Variants in CCDC3 observed in about 807,000 individuals in gnomAD.
CCDC3 encodes coiled-coil domain containing 3, also known as coiled-coil domain-containing protein 3.
CCDC3 carries 24 observed loss-of-function variants against 21.4 expected under a neutral mutation model. The ratio of observed to expected loss-of-function variants is 1.12; its 90% CI spans 0.81 to 1.58. The LOEUF (loss-of-function observed/expected upper bound fraction) is 1.58, where lower values mean the gene tolerates loss of function less well. Among genes scored for constraint, CCDC3 ranks in the 40% most tolerant of loss-of-function variants. CCDC3 has a pLI of 0.00. For missense variants in CCDC3, 425 were observed against 360.9 expected, an observed-to-expected ratio of 1.18 and a Z score of -1.44; for synonymous variants, 186 against 166.0, an observed-to-expected ratio of 1.12 and a Z score of -0.93.
chr10:13,063,729 G>T (rs1770896805), intron 4 of CCDC3, among the ~76,000 whole-genome samples: 1 of 152,158 alleles, frequency 6.6e-6, no homozygotes. Context: ...ATTTTGGCTT[G>T]CATGCTTTGT....
At chr10:13,086,632 G>A (rs1001961360) in intron 3 of CCDC3, among the ~76,000 whole-genome samples, 2 of 152,056 alleles carry the variant, frequency 1.3e-5, no homozygotes, top group Non-Finnish European at 2.9e-5. Context: ...ATTTTTAGTA[G>A]AGACGGGGTT....
chr10:13,053,582 A>G (rs1004675383), intron 4 of CCDC3, among the ~76,000 whole-genome samples: 3 of 152,206 alleles, frequency 2.0e-5, no homozygotes, highest in African/African-American at 7.2e-5. Flanking sequence ...AATAAAATGT[A>G]CAAAGAACTC....
chr10:12,943,483 C>T (rs1834865529), intron 2 of CCDC3, among the ~76,000 whole-genome samples: 1 of 152,214 alleles, frequency 6.6e-6, no homozygotes, highest in Admixed American at 6.5e-5. Flanking sequence ...CTTGCATAGG[C>T]AAATGCCAGC....
At chr10:12,998,763 T>C (rs1835802179) in intron 1 of CCDC3, among the ~76,000 whole-genome samples, 1 of 152,212 alleles carries the variant, frequency 6.6e-6, no homozygotes, top group Non-Finnish European at 1.5e-5. Flanking sequence ...TGTTTGTCTA[T>C]TTGTGTTGTC....
intron 5 of CCDC3, among the ~76,000 whole-genome samples, chr10:13,019,597 T>C (rs1042845682): frequency 1.3e-5 from 2 of 152,248 alleles, no homozygotes; most frequent in African/African-American, 4.8e-5. Flanking sequence ...ACATTTTCCA[T>C]TACTGACTTT....
chr10:12,969,547 G>T (rs931639033), intron 2 of CCDC3, among the ~76,000 whole-genome samples: 4 of 151,482 alleles, frequency 2.6e-5, no homozygotes, highest in Middle Eastern at 6.8e-3. Context: ...CGACTACTGG[G>T]TACATATCCA....
intron 3 of CCDC3, among the ~76,000 whole-genome samples, chr10:13,085,873 A>G (rs1392462206): frequency 6.6e-6 from 1 of 152,110 alleles, no homozygotes; most frequent in Non-Finnish European, 1.5e-5. Context: ...AGGTTGAGGC[A>G]GGAGAATCAC....
intron 2 of CCDC3, among the ~76,000 whole-genome samples, chr10:12,900,218 C>T (rs770710786): frequency 4.6e-5 from 7 of 152,080 alleles, no homozygotes; most frequent in African/African-American, 7.2e-5. Flanking sequence ...AGTGTGAGAA[C>T]GGATTAATAC....
At chr10:12,929,358 A>G (rs917289194) in intron 2 of CCDC3, among the ~76,000 whole-genome samples, 2 of 151,894 alleles carry the variant, frequency 1.3e-5, no homozygotes, top group Admixed American at 6.6e-5. Flanking sequence ...CTTGTCTTTA[A>G]GTCACCAAAA....
intron 5 of CCDC3, among the ~76,000 whole-genome samples, chr10:13,019,242 AAAG>A (rs1443524086): frequency 5.3e-5 from 8 of 151,334 alleles, no homozygotes; most frequent in African/African-American, 4.8e-5. Flanking sequence ...TTTAAAAAAG[AAAG>A]AAAGAAAGAA....
intron 2 of CCDC3, among the ~76,000 whole-genome samples, chr10:12,923,746 A>G (rs964451171): frequency 9.2e-5 from 14 of 152,040 alleles, no homozygotes; most frequent in Non-Finnish European, 1.9e-4. Context: ...GTCCCTCCCG[A>G]CCCGTCTCCA....
intron 2 of CCDC3, among the ~76,000 whole-genome samples, chr10:12,930,756 T>C (rs150996490): frequency 4.6e-5 from 7 of 152,230 alleles, no homozygotes; most frequent in African/African-American, 1.7e-4. Context: ...CCACAATGGA[T>C]TGGATAGTCT....
intron 5 of CCDC3, among the ~76,000 whole-genome samples, chr10:13,019,006 G>C (rs1363248845): frequency 6.6e-6 from 1 of 151,856 alleles, no homozygotes; most frequent in Non-Finnish European, 1.5e-5. Flanking sequence ...GGCCGAGGCG[G>C]GCGGATCACA....
intron 2 of CCDC3, among the ~76,000 whole-genome samples, chr10:12,983,003 T>C (rs973516683): frequency 4.7e-5 from 7 of 150,366 alleles, no homozygotes; most frequent in African/African-American, 1.7e-4. Context: ...TCCCAGCTGC[T>C]GAACAGGCTG....
chr10:13,075,889 A>AAAAATAAAAT (rs1225781902), intron 3 of CCDC3, among the ~76,000 whole-genome samples: 1 of 152,112 alleles, frequency 6.6e-6, no homozygotes, highest in African/African-American at 2.4e-5. Flanking sequence ...TCTCTACTAA[A>AAAAATAAAAT]AAAATAAAAT....
chr10:12,998,272 C>T (rs1339833628), intron 2 of CCDC3, 66 bp downstream of exon 2: 2 of 1,541,754 alleles, frequency 1.3e-6, no homozygotes, highest in African/African-American at 1.4e-5. Context: ...CCTTTGGTCA[C>T]AAAATTCACA....
intron 2 of CCDC3, among the ~76,000 whole-genome samples, chr10:12,954,689 C>G (rs1589020249): frequency 6.6e-6 from 1 of 152,156 alleles, no homozygotes; most frequent in Admixed American, 6.5e-5. Flanking sequence ...GAGATGGCAC[C>G]AAGCCATTGA....
chr10:13,018,531 G>C (rs545888461), intron 5 of CCDC3, among the ~76,000 whole-genome samples: 1 of 152,242 alleles, frequency 6.6e-6, no homozygotes, highest in East Asian at 1.9e-4. Context: ...AGCTGCACAG[G>C]GGACTTAAAA....
intron 2 of CCDC3, among the ~76,000 whole-genome samples, chr10:12,938,171 A>G (rs1834769312): frequency 6.6e-6 from 1 of 152,108 alleles, no homozygotes; most frequent in South Asian, 2.1e-4. Context: ...CTCCCTGAAC[A>G]ATGGTATTTC....
Sources: allele counts gnomAD v4.1 joint callset (sites outside exome capture counted in the v4.1 genomes callset), GRCh38; gene constraint gnomAD v4.1.1; transcripts MANE v1.5; gene names NCBI Gene and HGNC (gene_info 2026-07-23, HGNC 2026-07-21).